The following ZFHX3 variants were observed in gnomAD, a reference collection of about 807,000 sequenced individuals.
ZFHX3 encodes zinc finger homeobox 3, also known as zinc finger homeobox protein 3.
In ZFHX3, 42 loss-of-function variants were observed where a neutral mutation model predicts 279.1. That is an observed-to-expected ratio of 0.15 (90% CI 0.12 to 0.19). The LOEUF is 0.19. Ranked by LOEUF, ZFHX3 falls within the 10% of genes least tolerant of loss-of-function variation. The pLI is 1.00. For synonymous variants in ZFHX3, 2,293 were observed against 1,957.8 expected (o/e 1.17, Z -4.52); for missense variants, 4,981 against 4,754.0 (o/e 1.05, Z -1.40).
intron 1 of ZFHX3, among the ~76,000 whole-genome samples, chr16:73,736,578 G>A (rs1349065730): frequency 1.3e-5 from 2 of 151,360 alleles, no homozygotes; most frequent in Non-Finnish European, 2.9e-5. Flanking sequence ...AAAATACAGA[G>A]AGGGAAATCA....
intron 1 of ZFHX3, among the ~76,000 whole-genome samples, chr16:73,807,169 G>A (rs1960298202): frequency 6.6e-6 from 1 of 152,140 alleles, no homozygotes; most frequent in Admixed American, 6.6e-5. Context: ...TTCAGCTGTG[G>A]ATGCCTCTAT....
At chr16:73,041,868 G>T (rs1458235810) in intron 1 of ZFHX3, among the ~76,000 whole-genome samples, 1 of 152,216 alleles carries the variant, frequency 6.6e-6, no homozygotes, top group Non-Finnish European at 1.5e-5. Context: ...AGGAAGCAGG[G>T]CCTTAAATGG....
At chr16:73,633,095 A>G (rs2052492946) in intron 2 of ZFHX3, among the ~76,000 whole-genome samples, 1 of 152,258 alleles carries the variant, frequency 6.6e-6, no homozygotes, top group Non-Finnish European at 1.5e-5. Flanking sequence ...AAAAAAAATA[A>G]GAAAGACTGA....
intron 3 of ZFHX3, among the ~76,000 whole-genome samples, chr16:73,433,373 A>G (rs1359992356): frequency 1.3e-5 from 2 of 152,154 alleles, no homozygotes; most frequent in African/African-American, 4.8e-5. Context: ...CTGGAACCAA[A>G]TTTGAATATC....
At chr16:73,454,031 A>G (rs945873170) in intron 3 of ZFHX3, among the ~76,000 whole-genome samples, 17 of 152,092 alleles carry the variant, frequency 1.1e-4, no homozygotes, top group African/African-American at 4.1e-4. Context: ...TGCCCATCTT[A>G]TTGTCACCCT....
chr16:72,848,769 ACT>A (rs1002834151), intron 4 of ZFHX3, among the ~76,000 whole-genome samples: 1 of 147,544 alleles, frequency 6.8e-6, no homozygotes. Flanking sequence ...ACCCAGGACC[ACT>A]CTCTCCCCCA....
chr16:72,880,097 G>A (rs1165711342), intron 4 of ZFHX3, among the ~76,000 whole-genome samples: 2 of 152,180 alleles, frequency 1.3e-5, no homozygotes, highest in Non-Finnish European at 2.9e-5. Flanking sequence ...TGTGCTGCGA[G>A]CAGGAAACCA....
intron 3 of ZFHX3, among the ~76,000 whole-genome samples, chr16:73,357,842 G>A (rs1597299513): frequency 6.6e-6 from 1 of 152,146 alleles, no homozygotes; most frequent in Non-Finnish European, 1.5e-5. Flanking sequence ...CTTCCAGGCT[G>A]GTCTGCTCCA....
intron 2 of ZFHX3, among the ~76,000 whole-genome samples, chr16:73,502,945 C>T (rs527889305): frequency 6.6e-6 from 1 of 152,320 alleles, no homozygotes; most frequent in East Asian, 1.9e-4. Flanking sequence ...AACATGATAA[C>T]TCTAACCACG....
At chr16:73,700,795 C>T (rs1937410808) in intron 1 of ZFHX3, among the ~76,000 whole-genome samples, 1 of 152,186 alleles carries the variant, frequency 6.6e-6, no homozygotes, top group Non-Finnish European at 1.5e-5. Flanking sequence ...AATTCCAATA[C>T]ATGTAAGGAT....
intron 1 of ZFHX3, among the ~76,000 whole-genome samples, chr16:73,020,770 T>C (rs1964270031): frequency 6.6e-6 from 1 of 152,244 alleles, no homozygotes; most frequent in Admixed American, 6.5e-5. Flanking sequence ...GGCATGGTTG[T>C]TGGACCTTTT....
intron 3 of ZFHX3, among the ~76,000 whole-genome samples, chr16:72,918,287 T>C (rs2039492923): frequency 6.6e-6 from 1 of 151,908 alleles, no homozygotes; most frequent in South Asian, 2.1e-4. Flanking sequence ...TGCTTGAGAT[T>C]TGCATTCAGG....
At chr16:73,248,284 T>C (rs944077991) in intron 5 of ZFHX3, among the ~76,000 whole-genome samples, 5 of 151,994 alleles carry the variant, frequency 3.3e-5, no homozygotes, top group Admixed American at 6.6e-5. Context: ...CATATGTGTG[T>C]GTATACTGTA....
intron 2 of ZFHX3, among the ~76,000 whole-genome samples, chr16:73,519,240 A>C (rs1482603116): frequency 1.3e-5 from 2 of 150,938 alleles, no homozygotes; most frequent in Non-Finnish European, 3.0e-5. Flanking sequence ...ATTTTCCATT[A>C]AAAAAAAAGA....
rs141311589 is a variant in ZFHX3, at chr16:73,140,715, G to A, written c.-1024+3037C>T. Reference sequence around the variant, plus strand: ...CTAAAAATACAAAAATTATCCAGACGTGGTGGCAAGTGCCTATAGTCCCAG... The same window carrying A: ...CTAAAAATACAAAAATTATCCAGACATGGTGGCAAGTGCCTATAGTCCCAG... On this transcript the variant is annotated intron_variant, in intron 6 of 17. Transcript: ENST00000641206. Among the ~76,000 whole-genome samples the A allele has an allele frequency of 1.0e-3, 158 of 152,154 alleles. No individual in the cohort carries two copies. The South Asian group carries it at 0.018, about 17-fold the overall frequency.
chr16:72,932,685 C>G (rs1959886436), intron 3 of ZFHX3, among the ~76,000 whole-genome samples: 1 of 150,092 alleles, frequency 6.7e-6, no homozygotes. Flanking sequence ...ATCCACTGAC[C>G]TTTCCATTCT....
intron 1 of ZFHX3, among the ~76,000 whole-genome samples, chr16:72,962,479 G>A (rs757582105): frequency 3.3e-5 from 5 of 152,178 alleles, no homozygotes; most frequent in Non-Finnish European, 2.9e-5. Context: ...ACCCATTCAC[G>A]GGGAGCAGCA....
At chr16:73,683,699 A>AG (rs1555532275) in intron 1 of ZFHX3, among the ~76,000 whole-genome samples, 1 of 152,030 alleles carries the variant, frequency 6.6e-6, no homozygotes, top group Non-Finnish European at 1.5e-5. Context: ...CAGGGATTTT[A>AG]GGTGACCCAT....
chr16:73,044,172 C>T (rs976402523), intron 1 of ZFHX3, among the ~76,000 whole-genome samples: 1 of 152,046 alleles, frequency 6.6e-6, no homozygotes, highest in East Asian at 1.9e-4. Flanking sequence ...AGGCAGAGGA[C>T]GGTGGTTCTG....
Sources: allele counts gnomAD v4.1 joint callset (sites outside exome capture counted in the v4.1 genomes callset), GRCh38; gene constraint gnomAD v4.1.1; transcripts MANE v1.5; gene names NCBI Gene and HGNC (gene_info 2026-07-23, HGNC 2026-07-21).